Variants in HIBADH observed in about 807,000 individuals in gnomAD.
HIBADH encodes 3-hydroxyisobutyrate dehydrogenase.
In HIBADH, 25 loss-of-function variants were observed where a neutral mutation model predicts 36.1. The ratio of observed to expected loss-of-function variants is 0.69; its 90% confidence interval spans 0.50 to 0.97. HIBADH has a LOEUF of 0.97. Among genes scored for constraint, HIBADH ranks in the 50% least tolerant of loss-of-function variants. HIBADH has a pLI of 0.00. For missense variants in HIBADH, 421 were observed against 418.0 expected (o/e 1.01, Z -0.06); for synonymous variants, 160 against 149.5 (o/e 1.07, Z -0.51).
At chr7:27,580,174 A>G (rs1269234008) in intron 4 of HIBADH, among the ~76,000 whole-genome samples, 5 of 152,186 alleles carry the variant, frequency 3.3e-5, no homozygotes, top group Admixed American at 6.5e-5. Context: ...AATTATATTG[A>G]GACTATACTA....
chr7:27,606,437 G>A (rs879815576), intron 4 of HIBADH, among the ~76,000 whole-genome samples: 2 of 152,196 alleles, frequency 1.3e-5, no homozygotes, highest in Non-Finnish European at 2.9e-5. Flanking sequence ...ATAAACTCAA[G>A]TTACCTTAAG....
chr7:27,631,428 T>C (rs1309678577), intron 3 of HIBADH, among the ~76,000 whole-genome samples: 2 of 152,244 alleles, frequency 1.3e-5, no homozygotes, highest in Admixed American at 6.5e-5. Context: ...TTTCACATAT[T>C]ACAGTTTCCT....
intron 4 of HIBADH, among the ~76,000 whole-genome samples, chr7:27,556,547 A>G (rs983082872): frequency 1.1e-4 from 16 of 152,172 alleles, no homozygotes; most frequent in African/African-American, 3.9e-4. Context: ...GCCTTCTTAC[A>G]CATTTTTTAA....
chr7:27,552,188 G>A (rs1784328585), intron 4 of HIBADH, among the ~76,000 whole-genome samples: 1 of 152,182 alleles, frequency 6.6e-6, no homozygotes, highest in African/African-American at 2.4e-5. Context: ...TGTTTGATTT[G>A]TAAGTGATCA....
chr7:27,604,952 A>G (rs1785193664), intron 4 of HIBADH, among the ~76,000 whole-genome samples: 1 of 152,162 alleles, frequency 6.6e-6, no homozygotes, highest in Non-Finnish European at 1.5e-5. Context: ...AGTAGCACTA[A>G]GCTTTTTGCT....
intron 4 of HIBADH, among the ~76,000 whole-genome samples, chr7:27,551,230 G>T (rs968093361): frequency 2.0e-5 from 3 of 152,130 alleles, no homozygotes; most frequent in East Asian, 3.8e-4. Flanking sequence ...CATGTATGAG[G>T]ACATTATTAT....
intron 4 of HIBADH, among the ~76,000 whole-genome samples, chr7:27,597,882 T>C (rs1785057151): frequency 6.6e-6 from 1 of 152,200 alleles, no homozygotes; most frequent in South Asian, 2.1e-4. Context: ...AGATGGAGGA[T>C]AATAAAAGTT....
chr7:27,569,420 G>C lies in HIBADH; in HGVS notation c.485-26320C>G, dbSNP rs373695204. Among the ~76,000 whole-genome samples the C allele has an allele frequency of 2.6e-5, 4 of 152,036 alleles. No homozygotes were observed. In the South Asian group the frequency reaches 8.3e-4, roughly 32 times the overall value. On this transcript the variant is annotated intron_variant, in intron 4 of 7. Coordinates refer to ENST00000265395, the MANE Select transcript of HIBADH (RefSeq NM_152740.4). ...GGGATATAAGATGCTATGAGACTCT[G>C]GGTCTTGCTCCAATTCTATGAAGAA...
At chr7:27,575,644 G>C (rs1383901712) in intron 4 of HIBADH, among the ~76,000 whole-genome samples, 1 of 152,170 alleles carries the variant, frequency 6.6e-6, no homozygotes, top group African/African-American at 2.4e-5. Flanking sequence ...AGAAGTAGAG[G>C]AAGTCCGAGC....
At chr7:27,620,689 T>C (rs1481588514) in intron 4 of HIBADH, among the ~76,000 whole-genome samples, 5 of 151,842 alleles carry the variant, frequency 3.3e-5, no homozygotes. Context: ...ACATTTACCA[T>C]CATGAAAACA....
Position 27,585,167 on chromosome 7 carries a change from GTA to G in HIBADH, c.485-42069_485-42068del, listed in dbSNP as rs551553975. 3.3e-3 allele frequency among the ~76,000 whole-genome samples: 494 copies of G among 151,688 alleles called. 6 individuals are homozygous for G. The highest frequency in any genetic ancestry group is 0.011 in the African/African-American group (464 of 41,368). On this transcript the variant is annotated intron_variant, in intron 4 of 7. Transcript: ENST00000265395. The stretch of plus-strand genomic sequence containing the variant: ...ACAGGTGTGCATGTTTTTTATATAT[GTA>G]TATATGTGTGTATATATGCACACAC...
chr7:27,657,515 T>C (rs567540534), intron 1 of HIBADH, among the ~76,000 whole-genome samples: 1 of 152,150 alleles, frequency 6.6e-6, no homozygotes, highest in South Asian at 2.1e-4. Context: ...ACTACTAAGA[T>C]CCTAGAAAAA....
intron 6 of HIBADH, among the ~76,000 whole-genome samples, chr7:27,534,086 AC>A (rs1784038944): frequency 6.6e-6 from 1 of 152,196 alleles, no homozygotes; most frequent in South Asian, 2.1e-4. Flanking sequence ...AATAAACGTC[AC>A]TGTGTCAAAT....
intron 4 of HIBADH, among the ~76,000 whole-genome samples, chr7:27,579,082 CAT>C (rs1784755007): frequency 6.6e-6 from 1 of 152,132 alleles, no homozygotes. Flanking sequence ...CTAAATGTAA[CAT>C]ATGAACTTTT....
rs191955208 is a variant in HIBADH, at chr7:27,538,688, A to G, written c.619-271T>C. ...ACATAGCTACTACGGGCTCAGCACT[A>G]TAGGGCACAACTGCTCTTTAAGGGA... On this transcript the variant is annotated intron_variant, in intron 5 of 7. Transcript: ENST00000265395. 2.6e-5 allele frequency among the ~76,000 whole-genome samples: 4 copies of G among 152,264 alleles called. No individual in the cohort carries two copies. In the East Asian group the frequency reaches 5.8e-4, roughly 22 times the overall value.
intron 4 of HIBADH, among the ~76,000 whole-genome samples, chr7:27,582,927 C>T (rs971774273): frequency 6.6e-6 from 1 of 152,080 alleles, no homozygotes; most frequent in African/African-American, 2.4e-5. Flanking sequence ...AACAACAGTA[C>T]TGACCTCACA....
intron 4 of HIBADH, among the ~76,000 whole-genome samples, chr7:27,608,347 T>C (rs371088579): frequency 1.3e-5 from 2 of 152,180 alleles, no homozygotes; most frequent in Non-Finnish European, 2.9e-5. Context: ...GAAGGAAAGA[T>C]GACTACTATG....
chr7:27,607,230 G>A (rs1341151991), intron 4 of HIBADH, among the ~76,000 whole-genome samples: 1 of 143,898 alleles, frequency 6.9e-6, no homozygotes. Context: ...TCTGCGGCTG[G>A]GCGCCATGGC....
At chr7:27,660,770 T>C (rs13227574) in intron 1 of HIBADH, among the ~76,000 whole-genome samples, 24,161 of 152,094 alleles carry the variant, frequency 0.16, 2,092 homozygotes, top group Middle Eastern at 0.2. Flanking sequence ...ATTCTGACAA[T>C]TACCTTTGGG....
Sources: gnomAD v4.1 joint callset for allele counts (sites outside exome capture counted in the v4.1 genomes callset) on GRCh38, gnomAD v4.1.1 for gene constraint, MANE v1.5 for transcripts, NCBI Gene and HGNC (gene_info 2026-07-23, HGNC 2026-07-21) for gene names.